The following DPP10 variants were observed in gnomAD, a reference collection of about 807,000 sequenced individuals.
DPP10 encodes dipeptidyl peptidase like 10.
DPP10 carries 33 observed loss-of-function variants against 120.9 expected under a neutral mutation model. The ratio of observed to expected loss-of-function variants is 0.27; its 90% CI spans 0.21 to 0.37. The LOEUF is 0.37. Among genes scored for constraint, DPP10 ranks in the 10% least tolerant of loss-of-function variants. The pLI is 1.00. For missense variants in DPP10, 816 were observed against 942.8 expected, an observed-to-expected ratio of 0.87 and a Z score of 1.76; for synonymous variants, 337 against 326.1, an observed-to-expected ratio of 1.03 and a Z score of -0.36.
intron 1 of DPP10, among the ~76,000 whole-genome samples, chr2:114,500,604 C>T (rs960086648): frequency 1.3e-5 from 2 of 152,166 alleles, no homozygotes; most frequent in African/African-American, 4.8e-5. Context: ...ACACTGCTTT[C>T]TTCAGATGAC....
chr2:114,954,298 T>C (rs974448241), intron 1 of DPP10, among the ~76,000 whole-genome samples: 2 of 152,038 alleles, frequency 1.3e-5, no homozygotes, highest in African/African-American at 4.8e-5. Flanking sequence ...TTAGCCAGGA[T>C]GGTCTTGATC....
intron 1 of DPP10, among the ~76,000 whole-genome samples, chr2:114,558,673 C>T (rs900643783): frequency 6.6e-6 from 1 of 152,202 alleles, no homozygotes; most frequent in Non-Finnish European, 1.5e-5. Context: ...AGCTGACACT[C>T]AGTAAATATT....
intron 1 of DPP10, among the ~76,000 whole-genome samples, chr2:114,748,105 G>A (rs999144884): frequency 6.6e-6 from 1 of 151,938 alleles, no homozygotes; most frequent in Non-Finnish European, 1.5e-5. Flanking sequence ...TATTTTTCTA[G>A]ACATTTATTT....
At chr2:114,847,387 G>T (rs907203158) in intron 1 of DPP10, among the ~76,000 whole-genome samples, 2 of 152,254 alleles carry the variant, frequency 1.3e-5, no homozygotes, top group East Asian at 1.9e-4. Flanking sequence ...TCCAGGTAAA[G>T]GTGACCCTTC....
chr2:115,555,898 T>C (rs1259681374), intron 5 of DPP10, among the ~76,000 whole-genome samples: 2 of 152,076 alleles, frequency 1.3e-5, no homozygotes, highest in African/African-American at 4.8e-5. Context: ...AGGAGGTGCA[T>C]AGAGGATATT....
Position 115,127,620 on chromosome 2 carries a change from C to T in DPP10, c.61-181619C>T, listed in dbSNP as rs192504897. ...TGATTCAAATAAAAGAGGTGTAGTC[C>T]AAAAAGAAAGAATATTTCTTTGTGG... On this transcript the variant is annotated intron_variant, in intron 1 of 25. Coordinates refer to ENST00000410059, the MANE Select transcript of DPP10 (RefSeq NM_020868.6). 5.3e-5 allele frequency among the ~76,000 whole-genome samples: 8 copies of T among 152,224 alleles called. No individual in the cohort carries two copies. The East Asian group carries it at 1.2e-3, about 22-fold the overall frequency.
At chr2:114,898,407 G>C (rs915336856) in intron 1 of DPP10, among the ~76,000 whole-genome samples, 2 of 151,988 alleles carry the variant, frequency 1.3e-5, no homozygotes, top group Non-Finnish European at 2.9e-5. Context: ...TAAATGATGA[G>C]TTAATGGGTG....
rs545987860 is a variant in DPP10 at position 115,159,725 on chromosome 2, C to T, written c.61-149514C>T. 2.2e-3 allele frequency among the ~76,000 whole-genome samples: 340 copies of T among 152,188 alleles called. 2 individuals carry two copies. The highest frequency in any genetic ancestry group is 7.8e-3 in the African/African-American group (322 of 41,530). On this transcript the variant is annotated intron_variant, in intron 1 of 25. Coordinates refer to ENST00000410059, the MANE Select transcript of DPP10 (RefSeq NM_020868.6). Reference sequence around the variant, plus strand: ...AGCATTTTATAAATAAAAAAATTCACGCACACATACACACACAGACCCCCA... The same window carrying T: ...AGCATTTTATAAATAAAAAAATTCATGCACACATACACACACAGACCCCCA...
At position 115,733,686 on chromosome 2, in the gene DPP10, A is replaced by G. The variant is rs180697429; in HGVS notation, c.697+5750A>G. 4.4e-3 allele frequency among the ~76,000 whole-genome samples: 674 copies of G among 152,288 alleles called. 7 individuals are homozygous for G. Among genetic ancestry groups the G allele is most frequent in the African/African-American group, 0.016 (649 of 41,566 alleles). On this transcript the variant is annotated intron_variant, in intron 8 of 25. Coordinates refer to ENST00000410059, the MANE Select transcript of DPP10 (RefSeq NM_020868.6). ...GAACTGACAAACTAAAAATGGAAAA[A>G]ATCAGCTTGCTTTTTACAATAACAC...
intron 5 of DPP10, among the ~76,000 whole-genome samples, chr2:115,684,045 A>C (rs971869769): frequency 1.3e-5 from 2 of 151,926 alleles, no homozygotes; most frequent in African/African-American, 4.8e-5. Context: ...ATCTATCCAA[A>C]CCTGAAGGAT....
At chr2:115,793,324 G>C (rs1684196175) in intron 19 of DPP10, among the ~76,000 whole-genome samples, 1 of 151,836 alleles carries the variant, frequency 6.6e-6, no homozygotes, top group Non-Finnish European at 1.5e-5. Context: ...AAATAACATG[G>C]GATAATATTT....
At chr2:114,644,890 T>G (rs537424190) in intron 1 of DPP10, among the ~76,000 whole-genome samples, 2 of 151,978 alleles carry the variant, frequency 1.3e-5, no homozygotes, top group East Asian at 3.9e-4. Flanking sequence ...ACTGGACCAT[T>G]TTAGTTGCTA....
At chr2:114,791,000 A>G (rs564327986) in intron 1 of DPP10, among the ~76,000 whole-genome samples, 1 of 152,334 alleles carries the variant, frequency 6.6e-6, no homozygotes, top group African/African-American at 2.4e-5. Context: ...TAAGAAAAAA[A>G]AGAAGGGGAG....
At chr2:115,550,244 A>G (rs1244036947) in intron 5 of DPP10, among the ~76,000 whole-genome samples, 1 of 152,176 alleles carries the variant, frequency 6.6e-6, no homozygotes, top group Non-Finnish European at 1.5e-5. Context: ...TACATAGTGA[A>G]ATATGCATGA....
intron 1 of DPP10, among the ~76,000 whole-genome samples, chr2:115,297,038 A>G (rs575422107): frequency 6.6e-6 from 1 of 152,222 alleles, no homozygotes; most frequent in Non-Finnish European, 1.5e-5. Context: ...TATAAAACTT[A>G]AATTGATATA....
At position 115,490,907 on chromosome 2, in the gene DPP10, C is replaced by T. The variant is rs548109452; in HGVS notation, c.272-8603C>T. ...GCCAAGATTGTGGATCATTTGAGGTCGGGAGTTTGAGACCAGCCTGGCCAA... is the reference window on the plus strand; with the variant it reads ...GCCAAGATTGTGGATCATTTGAGGTTGGGAGTTTGAGACCAGCCTGGCCAA... On this transcript the variant is annotated intron_variant, in intron 3 of 25. Transcript: ENST00000410059. Among the ~76,000 whole-genome samples, 4 of 152,214 alleles carry T rather than the reference C, an allele frequency of 2.6e-5. No individual in the cohort carries two copies. The South Asian group carries it at 6.2e-4, about 24-fold the overall frequency.
At position 114,468,442 on chromosome 2, in the gene DPP10, G is replaced by T. The variant is rs527394984; in HGVS notation, c.60+25604G>T. 4.0e-5 allele frequency among the ~76,000 whole-genome samples: 5 copies of T among 124,452 alleles called. No homozygotes were observed. The South Asian group carries it at 1.1e-3, about 27-fold the overall frequency. 81.6% of individuals were successfully genotyped at this position (124,452 alleles called of 152,430 possible). On this transcript the variant is annotated intron_variant, in intron 1 of 25. Coordinates refer to ENST00000410059, the MANE Select transcript of DPP10 (RefSeq NM_020868.6). ...AAAAATTACAGGATAAAAGATGAAA[G>T]ATGTCTTCCACTTACAAATGGCAAG...
At chr2:114,582,288 G>A (rs1198411162) in intron 1 of DPP10, among the ~76,000 whole-genome samples, 2 of 152,010 alleles carry the variant, frequency 1.3e-5, no homozygotes, top group Non-Finnish European at 1.5e-5. Flanking sequence ...TTTCTTTACA[G>A]TGCTGAATAA....
At chr2:114,719,548 G>C (rs1038663117) in intron 1 of DPP10, among the ~76,000 whole-genome samples, 1 of 152,172 alleles carries the variant, frequency 6.6e-6, no homozygotes, top group Non-Finnish European at 1.5e-5. Context: ...CCATAAGTGG[G>C]CCTTTAACAT....
Sources: gnomAD v4.1 joint callset for allele counts (sites outside exome capture counted in the v4.1 genomes callset) on GRCh38, gnomAD v4.1.1 for gene constraint, MANE v1.5 for transcripts, NCBI Gene and HGNC (gene_info 2026-07-23, HGNC 2026-07-21) for gene names.